YAF2: variants seen among roughly 807,000 people sequenced by gnomAD.
YAF2 encodes the protein YY1 associated factor 2, also known as YY1-associated factor 2.
YAF2 carries 7 observed loss-of-function variants against 20.1 expected under a neutral mutation model. The observed-to-expected ratio is 0.35, with a 90% CI of 0.20 to 0.65. The LOEUF is 0.65. YAF2 is among the 30% of genes least tolerant of loss of function. The pLI is 0.69. For synonymous variants in YAF2, 74 were observed against 76.0 expected, an observed-to-expected ratio of 0.97 and a Z score of 0.14; for missense variants, 151 against 219.2, an observed-to-expected ratio of 0.69 and a Z score of 1.96.
chr12:42,237,520 G>A, intron 2 of YAF2, 79 bp downstream of exon 2: 1 of 1,402,530 alleles, frequency 7.1e-7, no homozygotes, highest in African/African-American at 1.5e-5. Flanking sequence ...AGTGTCATGG[G>A]AGGGGGCGGC....
chr12:42,227,618 A>T (rs1408457388), intron 2 of YAF2, among the ~76,000 whole-genome samples: 1 of 145,936 alleles, frequency 6.9e-6, no homozygotes, highest in Non-Finnish European at 1.5e-5. Context: ...ACCCCGTCTG[A>T]GAAGTTAGGA....
At chr12:42,186,852 T>C (rs1018351936) in intron 2 of YAF2, among the ~76,000 whole-genome samples, 1 of 152,184 alleles carries the variant, frequency 6.6e-6, no homozygotes, top group African/African-American at 2.4e-5. Context: ...CACCCATCAG[T>C]AGGAAATTAT....
chr12:42,170,911 C>T (rs1230387456), intron 2 of YAF2, among the ~76,000 whole-genome samples: 1 of 152,176 alleles, frequency 6.6e-6, no homozygotes, highest in Non-Finnish European at 1.5e-5. Context: ...ATTTCTTTCC[C>T]CTAATATCCG....
chr12:42,194,827 A>G (rs533531355), intron 2 of YAF2, among the ~76,000 whole-genome samples: 2 of 152,192 alleles, frequency 1.3e-5, no homozygotes, highest in Non-Finnish European at 2.9e-5. Context: ...GCAAACATAC[A>G]TAAGTTCAAT....
chr12:42,177,179 A>G (rs1211637081), intron 2 of YAF2, among the ~76,000 whole-genome samples: 1 of 152,204 alleles, frequency 6.6e-6, no homozygotes, highest in Non-Finnish European at 1.5e-5. Flanking sequence ...GCTCTAGTCC[A>G]CAAGTCTCTA....
chr12:42,234,438 T>C (rs2068081547), intron 2 of YAF2: 6 of 982,186 alleles, frequency 6.1e-6, no homozygotes, highest in Non-Finnish European at 7.3e-6. Context: ...ATGGGTACAC[T>C]GGAATCCCAA....
rs190541666 is a variant in YAF2, at chr12:42,178,505, C to T, written c.153-16740G>A. ...ATAACCTTATCTACTCTAGTATTAT[C>T]GTCATCTCTCCCCTCTCTAAAACAC... On this transcript the variant is annotated intron_variant, in intron 2 of 3. Coordinates refer to ENST00000534854, the MANE Select transcript of YAF2 (RefSeq NM_005748.6). Among the ~76,000 whole-genome samples the T allele has an allele frequency of 3.4e-3, 513 of 152,236 alleles. 3 individuals are homozygous for T. The highest frequency in any genetic ancestry group is 0.012 in the African/African-American group (492 of 41,538).
At chr12:42,213,921 G>A (rs1454802598) in intron 2 of YAF2, among the ~76,000 whole-genome samples, 1 of 152,098 alleles carries the variant, frequency 6.6e-6, no homozygotes, top group African/African-American at 2.4e-5. Flanking sequence ...TCAGAAAAGG[G>A]TCATCTAGAT....
chr12:42,235,647 G>A, intron 2 of YAF2: 2 of 1,514,316 alleles, frequency 1.3e-6, no homozygotes, highest in East Asian at 2.5e-5. Flanking sequence ...GATTTCTGGT[G>A]AGTTGCCCAG....
At chr12:42,182,556 T>C (rs1399687211) in intron 2 of YAF2, among the ~76,000 whole-genome samples, 2 of 152,230 alleles carry the variant, frequency 1.3e-5, no homozygotes, top group South Asian at 2.1e-4. Context: ...ATCACAACTT[T>C]ACCTGTGTAG....
chr12:42,165,943 A>G (rs1185587765), intron 2 of YAF2, among the ~76,000 whole-genome samples: 2 of 149,794 alleles, frequency 1.3e-5, no homozygotes, highest in East Asian at 1.9e-4. Context: ...AATGAGACGG[A>G]GTCTCACACT....
intron 2 of YAF2, among the ~76,000 whole-genome samples, chr12:42,191,937 A>C (rs2066623066): frequency 6.6e-6 from 1 of 151,938 alleles, no homozygotes; most frequent in African/African-American, 2.4e-5. Flanking sequence ...TAAAAATACA[A>C]AAATTAGCCA....
chr12:42,177,900 C>T (rs1452252664), intron 2 of YAF2, among the ~76,000 whole-genome samples: 1 of 152,168 alleles, frequency 6.6e-6, no homozygotes, highest in Non-Finnish European at 1.5e-5. Flanking sequence ...ACTCTATCCT[C>T]CTTACTATGC....
intron 2 of YAF2, among the ~76,000 whole-genome samples, chr12:42,195,186 A>C (rs2066718715): frequency 6.6e-6 from 1 of 152,228 alleles, no homozygotes; most frequent in South Asian, 2.1e-4. Context: ...TCCTGGCTAG[A>C]TGTCCAAGTT....
chr12:42,180,369 G>A (rs2066312237), intron 2 of YAF2, among the ~76,000 whole-genome samples: 2 of 152,180 alleles, frequency 1.3e-5, no homozygotes, highest in South Asian at 4.1e-4. Flanking sequence ...AGGAACTAAT[G>A]TCCTAGGTCC....
chr12:42,166,700 G>A lies in YAF2; in HGVS notation c.153-4935C>T, dbSNP rs2065924339. On this transcript the variant is annotated intron_variant, in intron 2 of 3. Coordinates refer to ENST00000534854, the MANE Select transcript of YAF2 (RefSeq NM_005748.6). ...CAATTTCAACATCACTACAATTTTG[G>A]ATGCCACTATCACTGGCTTTACACC... 2.0e-5 allele frequency among the ~76,000 whole-genome samples: 3 copies of A among 151,832 alleles called. No homozygotes were observed. The South Asian group carries it at 6.2e-4, about 32-fold the overall frequency.
At position 42,161,691 on chromosome 12, in the gene YAF2, T is replaced by A. The variant is rs943606299; in HGVS notation, c.227A>T (p.Lys76Ile). 1.2e-6 allele frequency: 2 copies of A among 1,610,438 alleles called. No individual in the cohort carries two copies. The highest frequency in any genetic ancestry group is 3.4e-5 in the Admixed American group (2 of 59,102). The change falls in exon 3 of 4, where the codon AAA becomes ATA. Residue 76 changes from lysine to isoleucine, a missense_variant. By Grantham distance (102) the Lys-to-Ile change is moderately radical. Around this residue, in one of 3 missense-constraint regions of YAF2, gnomAD observed 50 missense variants for 112.0 expected, o/e 0.45. Transcript: ENST00000534854. ...TTTTTCTACTTTATCTTTTTTCTCT[T>A]TCTTTGACTGTGTAGGAGGCACAAA... is the stretch of plus-strand genomic sequence containing the variant. ...QQFVPPTQSK[K>I]EKKDKVEKEK...
At chr12:42,230,013 T>C (rs2067930712) in intron 2 of YAF2, among the ~76,000 whole-genome samples, 1 of 152,070 alleles carries the variant, frequency 6.6e-6, no homozygotes, top group African/African-American at 2.4e-5. Flanking sequence ...AATCACAGCA[T>C]TTTGGGAGGC....
intron 2 of YAF2, chr12:42,235,211 C>T: frequency 1.0e-6 from 1 of 994,264 alleles, no homozygotes; most frequent in Non-Finnish European, 1.2e-6. Context: ...CATCCTTCTG[C>T]TCTGCAGCTA....
Sources: allele counts gnomAD v4.1 joint callset (sites outside exome capture counted in the v4.1 genomes callset), GRCh38; gene constraint gnomAD v4.1.1; regional missense constraint gnomAD v4.1.1; transcripts MANE v1.5; gene names NCBI Gene and HGNC (gene_info 2026-07-23, HGNC 2026-07-21).